Variants in TBC1D14 observed in about 807,000 individuals in gnomAD.
TBC1D14 encodes the protein TBC1 domain family member 14, also known as TBC1 domain family, member 14.
A neutral mutation model predicts 79.0 loss-of-function variants in TBC1D14; 26 were observed. That is an observed-to-expected ratio of 0.33 (90% CI 0.24 to 0.46). TBC1D14 has a LOEUF of 0.46. Ranked by LOEUF, TBC1D14 falls within the 20% of genes least tolerant of loss-of-function variation. The pLI, the probability that TBC1D14 is intolerant of heterozygous loss-of-function variation, is 1.00. For synonymous variants in TBC1D14, 394 were observed against 349.9 expected (o/e 1.13, Z -1.40); for missense variants, 769 against 887.6 (o/e 0.87, Z 1.70).
chr4:6,911,940 TTTG>T (rs1723027885), intron 1 of TBC1D14, among the ~76,000 whole-genome samples: 1 of 152,138 alleles, frequency 6.6e-6, no homozygotes, highest in African/African-American at 2.4e-5. Flanking sequence ...TGAGTATGTG[TTTG>T]TTAACTTTAA....
chr4:6,909,785 C>T (rs1722812753), upstream of TBC1D14: 1 of 148,426 alleles, frequency 6.7e-6, no homozygotes, highest in South Asian at 2.1e-4. Context: ...CGGGGCGAAG[C>T]GAGGGTGCGC....
intron 3 of TBC1D14, among the ~76,000 whole-genome samples, chr4:6,972,048 C>T (rs547793165): frequency 5.6e-4 from 85 of 152,320 alleles, no homozygotes; most frequent in African/African-American, 2.0e-3. Context: ...GCCAGGGCAG[C>T]ATGGATGGTG....
intron 2 of TBC1D14, among the ~76,000 whole-genome samples, chr4:6,957,068 G>A (rs560283751): frequency 2.0e-5 from 3 of 152,224 alleles, no homozygotes; most frequent in Non-Finnish European, 2.9e-5. Context: ...GAGCCACATC[G>A]CTTGCTGTGT....
At chr4:6,978,209 TC>T (rs1183225667) in intron 3 of TBC1D14, among the ~76,000 whole-genome samples, 4 of 151,710 alleles carry the variant, frequency 2.6e-5, no homozygotes, top group South Asian at 2.1e-4. Context: ...GAGGAGCCCC[TC>T]TGCCCGGCCA....
chr4:6,980,889 G>C (rs961089136), intron 3 of TBC1D14, among the ~76,000 whole-genome samples: 1 of 150,832 alleles, frequency 6.6e-6, no homozygotes, highest in Middle Eastern at 3.4e-3. Flanking sequence ...CTAATTTTTT[G>C]TATTTTTAGT....
intron 9 of TBC1D14, among the ~76,000 whole-genome samples, chr4:7,008,646 C>T (rs928110104): frequency 2.0e-5 from 3 of 152,274 alleles, no homozygotes; most frequent in Admixed American, 6.5e-5. Flanking sequence ...CTCCTGACCT[C>T]GTGATCAGCC....
In TBC1D14 at chr4:7,033,068, T is replaced by C. The variant is rs1349087446; in HGVS notation, c.*2676T>C. On this transcript the variant is annotated 3_prime_UTR_variant, in exon 14 of 14. Transcript: ENST00000409757. ...TGTATCAAAGTAGGACTTTTTTGAA[T>C]TGTAAATAGGTGGTTTTATTAAATA... is the stretch of plus-strand genomic sequence containing the variant. 2 of 152,698 alleles carry C rather than the reference T, an allele frequency of 1.3e-5. No individual in the cohort carries two copies. Among genetic ancestry groups the C allele is most frequent in the Admixed American group, 6.5e-5 (1 of 15,286 alleles). 9.5% of individuals were successfully genotyped at this position (152,698 alleles called of 1,614,324 possible).
intron 13 of TBC1D14, 79 bp from the exon 14 acceptor site, chr4:7,030,248 A>G (rs538774947): frequency 2.2e-6 from 3 of 1,392,170 alleles, no homozygotes; most frequent in South Asian, 2.3e-5. Flanking sequence ...TTAGGAGGCT[A>G]CTGCTGTCTC....
At chr4:7,024,942 C>A in intron 12 of TBC1D14, 62 bp from the exon 13 acceptor site, 1 of 1,590,838 alleles carries the variant, frequency 6.3e-7, no homozygotes, top group South Asian at 1.1e-5. Flanking sequence ...GACTGGAATT[C>A]ACTGTTCTTT....
intron 10 of TBC1D14, 129 bp downstream of exon 10, chr4:7,010,077 T>A: frequency 9.7e-7 from 1 of 1,027,578 alleles, no homozygotes; most frequent in African/African-American, 1.6e-5. Context: ...AAAAGTCTCG[T>A]GGTAAGTGAG....
Position 6,939,422 on chromosome 4 carries a change from C to A in TBC1D14, c.722+15311C>A, listed in dbSNP as rs183608633. ...CAATGCCACCCGACCAGGTCCCCCC[C>A]AGAAGCATGCGCACCCCTCGAGGGA... On this transcript the variant is annotated intron_variant, in intron 2 of 13. Transcript: ENST00000409757. Among the ~76,000 whole-genome samples, 676 of 152,146 alleles carry A rather than the reference C, an allele frequency of 4.4e-3. 6 individuals carry two copies. The highest frequency in any genetic ancestry group is 6.9e-3 in the Admixed American group (106 of 15,288).
At chr4:6,932,965 G>A (rs977001648) in intron 2 of TBC1D14, among the ~76,000 whole-genome samples, 2 of 152,136 alleles carry the variant, frequency 1.3e-5, no homozygotes, top group African/African-American at 2.4e-5. Context: ...TCTTGGCTAA[G>A]GAATTGTCTG....
chr4:7,001,648 G>A (rs1719687555), intron 7 of TBC1D14, among the ~76,000 whole-genome samples: 1 of 152,140 alleles, frequency 6.6e-6, no homozygotes, highest in African/African-American at 2.4e-5. Flanking sequence ...TTTTTTTTCA[G>A]GCAGCCTTGG....
chr4:6,960,189 T>C (rs948853383), intron 2 of TBC1D14, among the ~76,000 whole-genome samples: 2 of 151,562 alleles, frequency 1.3e-5, no homozygotes, highest in Non-Finnish European at 2.9e-5. Flanking sequence ...TCAAGTGATC[T>C]TCCCACCTTA....
intron 2 of TBC1D14, among the ~76,000 whole-genome samples, chr4:6,961,713 A>G (rs1715216619): frequency 6.6e-6 from 1 of 152,076 alleles, no homozygotes; most frequent in Admixed American, 6.5e-5. Flanking sequence ...TGGCCCTGGT[A>G]GAGAGCGTTG....
intron 13 of TBC1D14, among the ~76,000 whole-genome samples, chr4:7,027,124 T>C (rs2108748856): frequency 6.6e-6 from 1 of 151,984 alleles, no homozygotes; most frequent in Admixed American, 6.5e-5. Context: ...GGTAGGAGAA[T>C]TGCTAGAACC....
chr4:6,932,609 A>G (rs1711866909), intron 2 of TBC1D14, among the ~76,000 whole-genome samples: 1 of 152,172 alleles, frequency 6.6e-6, no homozygotes, highest in African/African-American at 2.4e-5. Context: ...GTGGGGAGCC[A>G]CTGCAGAATT....
intron 2 of TBC1D14, among the ~76,000 whole-genome samples, chr4:6,946,280 C>T: frequency 6.6e-6 from 1 of 152,014 alleles, no homozygotes; most frequent in Middle Eastern, 3.2e-3. Context: ...AGAGGAGATG[C>T]TTGGGCCTAT....
At chr4:7,021,898 G>C (rs1409891583) in intron 12 of TBC1D14, among the ~76,000 whole-genome samples, 3 of 152,166 alleles carry the variant, frequency 2.0e-5, no homozygotes, top group Non-Finnish European at 4.4e-5. Context: ...GGGGAAGGTG[G>C]ACCTTGAACC....
Sources: gnomAD v4.1 joint callset for allele counts (sites outside exome capture counted in the v4.1 genomes callset) on GRCh38, gnomAD v4.1.1 for gene constraint, MANE v1.5 for transcripts, NCBI Gene and HGNC (gene_info 2026-07-23, HGNC 2026-07-21) for gene names.